The following LRFN2 variants were observed in gnomAD, a reference collection of about 807,000 sequenced individuals.
LRFN2 encodes leucine-rich repeat and fibronectin type-III domain-containing protein 2.
Under a neutral mutation model 37.3 loss-of-function variants are expected in LRFN2, and 18 were observed. The ratio of observed to expected loss-of-function variants is 0.48; its 90% CI spans 0.33 to 0.72. The LOEUF is 0.72. Among genes scored for constraint, LRFN2 ranks in the 30% least tolerant of loss-of-function variants. The pLI is 0.02. For synonymous variants in LRFN2, 556 were observed against 466.6 expected (o/e 1.19, Z -2.47); for missense variants, 1,006 against 1,060.7 (o/e 0.95, Z 0.72).
At chr6:40,527,891 A>T (rs1766282341) in intron 1 of LRFN2, among the ~76,000 whole-genome samples, 1 of 152,216 alleles carries the variant, frequency 6.6e-6, no homozygotes, top group Non-Finnish European at 1.5e-5. Flanking sequence ...TGCCAGACAT[A>T]ACAATAATCA....
At chr6:40,473,320 C>T (rs930128766) in intron 1 of LRFN2, among the ~76,000 whole-genome samples, 3 of 152,178 alleles carry the variant, frequency 2.0e-5, no homozygotes, top group Admixed American at 6.5e-5. Context: ...AAGGAGACAG[C>T]GTGTGTCAGA....
chr6:40,574,658 T>C (rs1767244814), intron 1 of LRFN2, among the ~76,000 whole-genome samples: 1 of 152,204 alleles, frequency 6.6e-6, no homozygotes, highest in African/African-American at 2.4e-5. Context: ...TGGTGCATAA[T>C]TGGGAGGCAC....
At chr6:40,468,571 GTTAT>G (rs1764524145) in intron 1 of LRFN2, among the ~76,000 whole-genome samples, 4 of 152,110 alleles carry the variant, frequency 2.6e-5, no homozygotes, top group Non-Finnish European at 5.9e-5. Flanking sequence ...ATAAAAGTGG[GTTAT>G]GTGAAGCGCA....
intron 1 of LRFN2, among the ~76,000 whole-genome samples, chr6:40,586,577 G>T (rs1415905366): frequency 1.3e-5 from 2 of 152,036 alleles, no homozygotes; most frequent in South Asian, 2.1e-4. Flanking sequence ...TTGCATGTGC[G>T]GAGATGCAAC....
chr6:40,568,063 C>A (rs1256468455), intron 1 of LRFN2, among the ~76,000 whole-genome samples: 1 of 152,192 alleles, frequency 6.6e-6, no homozygotes, highest in East Asian at 1.9e-4. Context: ...TTTCCCCCTT[C>A]CTTCTCTTCT....
intron 1 of LRFN2, among the ~76,000 whole-genome samples, chr6:40,446,590 A>G (rs1316959952): frequency 6.6e-6 from 1 of 152,224 alleles, no homozygotes; most frequent in African/African-American, 2.4e-5. Context: ...ATTAGCGGCG[A>G]TATGTATACA....
intron 2 of LRFN2, among the ~76,000 whole-genome samples, chr6:40,408,542 TG>T (rs1762895536): frequency 6.6e-6 from 1 of 152,168 alleles, no homozygotes; most frequent in African/African-American, 2.4e-5. Flanking sequence ...AGGAATCAAA[TG>T]CCTGGGAAGA....
intron 1 of LRFN2, among the ~76,000 whole-genome samples, chr6:40,585,130 G>C (rs1343575591): frequency 6.6e-6 from 1 of 152,200 alleles, no homozygotes; most frequent in Non-Finnish European, 1.5e-5. Flanking sequence ...AGTTCTTCTA[G>C]ACAGGAGATG....
chr6:40,426,031 A>T (rs971472027), intron 2 of LRFN2, among the ~76,000 whole-genome samples: 1 of 152,134 alleles, frequency 6.6e-6, no homozygotes, highest in Non-Finnish European at 1.5e-5. Flanking sequence ...GCCTATGTCC[A>T]GGTCTGGTTG....
At chr6:40,490,834 G>T (rs1023934708) in intron 1 of LRFN2, among the ~76,000 whole-genome samples, 1 of 152,198 alleles carries the variant, frequency 6.6e-6, no homozygotes, top group African/African-American at 2.4e-5. Context: ...TTGACTTTCT[G>T]GCCCTCTGTT....
chr6:40,498,034 G>A (rs1765276897), intron 1 of LRFN2, among the ~76,000 whole-genome samples: 1 of 152,176 alleles, frequency 6.6e-6, no homozygotes, highest in Non-Finnish European at 1.5e-5. Flanking sequence ...CAAAGGATGG[G>A]AGGACAGGGT....
chr6:40,555,525 G>A (rs35219811), intron 1 of LRFN2, among the ~76,000 whole-genome samples: 14,388 of 152,194 alleles, frequency 0.095, 796 homozygotes, highest in Non-Finnish European at 0.12. Flanking sequence ...GTGTTGCCAC[G>A]CAGATCCCCC....
rs1323835007 is a variant in LRFN2 at position 40,489,708 on chromosome 6, C to A, written c.-18-56577G>T. 4.6e-5 allele frequency among the ~76,000 whole-genome samples: 7 copies of A among 152,218 alleles called. No homozygotes were observed. The East Asian group carries it at 1.4e-3, about 29-fold the overall frequency. On this transcript the variant is annotated intron_variant, in intron 1 of 2. Transcript: ENST00000338305. The stretch of plus-strand genomic sequence containing the variant: ...AACTGTCCTTACCCACCCTTCTCAC[C>A]TTCCCTCAGGGTCTGTCTTCTCCCA...
Position 40,574,311 on chromosome 6 carries a change from C to T in LRFN2, c.-19+12630G>A, listed in dbSNP as rs142364911. Among the ~76,000 whole-genome samples, 691 of 152,256 alleles carry T rather than the reference C, an allele frequency of 4.5e-3. 7 individuals are homozygous for T. Among genetic ancestry groups the T allele is most frequent in the African/African-American group, 0.016 (657 of 41,530 alleles). On this transcript the variant is annotated intron_variant, in intron 1 of 2. Transcript: ENST00000338305. ...CATTTTACAGAAGGGGAAAGTGAGG[C>T]TCAAAGAGCTAAGTGACTTGCATGA...
chr6:40,567,990 C>A (rs913844422), intron 1 of LRFN2, among the ~76,000 whole-genome samples: 10 of 152,206 alleles, frequency 6.6e-5, no homozygotes, highest in Non-Finnish European at 1.3e-4. Flanking sequence ...CTACCAGCTG[C>A]CAGATGATCA....
At chr6:40,399,769 T>C (rs775378234) in intron 2 of LRFN2, among the ~76,000 whole-genome samples, 7 of 151,936 alleles carry the variant, frequency 4.6e-5, no homozygotes, top group Non-Finnish European at 1.0e-4. Flanking sequence ...CCTAAAATGT[T>C]CTTTTATTTC....
intron 1 of LRFN2, among the ~76,000 whole-genome samples, chr6:40,465,381 G>A (rs915105241): frequency 6.6e-6 from 1 of 152,154 alleles, no homozygotes; most frequent in African/African-American, 2.4e-5. Flanking sequence ...GGAAACTAAT[G>A]CACTCCTGGA....
chr6:40,487,302 C>T (rs1169856824), intron 1 of LRFN2, among the ~76,000 whole-genome samples: 2 of 152,154 alleles, frequency 1.3e-5, no homozygotes, highest in African/African-American at 2.4e-5. Flanking sequence ...ATCATTTATG[C>T]CAATGAGCCC....
chr6:40,403,782 T>C (rs1393567220), intron 2 of LRFN2, among the ~76,000 whole-genome samples: 2 of 152,150 alleles, frequency 1.3e-5, no homozygotes, highest in African/African-American at 4.8e-5. Context: ...AAAACCCAGG[T>C]CACATCCTGT....
Sources: gnomAD v4.1 joint callset for allele counts (sites outside exome capture counted in the v4.1 genomes callset) on GRCh38, gnomAD v4.1.1 for gene constraint, MANE v1.5 for transcripts, NCBI Gene and HGNC (gene_info 2026-07-23, HGNC 2026-07-21) for gene names.